Variants in SOX5 observed in about 807,000 individuals in gnomAD.
The protein encoded by SOX5 is transcription factor SOX-5.
A neutral mutation model predicts 92.0 loss-of-function variants in SOX5; 9 were observed. That is an observed-to-expected ratio of 0.10 (90% CI 0.06 to 0.17). The LOEUF (loss-of-function observed/expected upper bound fraction) is 0.17, where lower values mean the gene tolerates loss of function less well. SOX5 is among the 10% of genes least tolerant of loss of function. The pLI, the probability that SOX5 is intolerant of heterozygous loss-of-function variation, is 1.00. For synonymous variants in SOX5, 344 were observed against 336.3 expected (o/e 1.02, Z -0.25); for missense variants, 642 against 944.5 (o/e 0.68, Z 4.20).
chr12:24,174,452 A>C (rs1954573814), intron 4 of SOX5, among the ~76,000 whole-genome samples: 1 of 152,220 alleles, frequency 6.6e-6, no homozygotes, highest in South Asian at 2.1e-4. Context: ...GGAGTCTGGG[A>C]GAACTCAGTG....
intron 4 of SOX5, among the ~76,000 whole-genome samples, chr12:24,007,005 T>C (rs917770736): frequency 6.6e-6 from 1 of 150,826 alleles, no homozygotes; most frequent in Non-Finnish European, 1.5e-5. Context: ...TGATGACGCA[T>C]GTCTGTAATC....
chr12:24,216,688 C>G (rs1959184609), intron 3 of SOX5, among the ~76,000 whole-genome samples: 1 of 152,008 alleles, frequency 6.6e-6, no homozygotes, highest in Admixed American at 6.6e-5. Flanking sequence ...TTTGGGAGAC[C>G]AAGAAGGAGG....
intron 4 of SOX5, among the ~76,000 whole-genome samples, chr12:23,994,480 T>C (rs1250732778): frequency 6.6e-6 from 1 of 152,218 alleles, no homozygotes; most frequent in Admixed American, 6.5e-5. Context: ...CATCAATATA[T>C]GTGCCTGTTA....
At chr12:24,274,727 C>G (rs754505582) in intron 3 of SOX5, among the ~76,000 whole-genome samples, 18 of 151,328 alleles carry the variant, frequency 1.2e-4, no homozygotes, top group Non-Finnish European at 1.6e-4. Flanking sequence ...ACATTGCTAT[C>G]AAATTGTGAT....
intron 2 of SOX5, among the ~76,000 whole-genome samples, chr12:24,284,006 A>G (rs1945528378): frequency 6.6e-6 from 1 of 152,176 alleles, no homozygotes. Flanking sequence ...AGTATGTAAA[A>G]AGTGTGGTTG....
At chr12:24,013,131 G>C (rs1016062859) in intron 4 of SOX5, among the ~76,000 whole-genome samples, 3 of 152,066 alleles carry the variant, frequency 2.0e-5, no homozygotes, top group Non-Finnish European at 2.9e-5. Flanking sequence ...AAAGAGATGA[G>C]TTTCTGTATG....
rs183848118 is a variant in SOX5, at chr12:23,927,898, C to A, written c.38+21666G>T. The stretch of plus-strand genomic sequence containing the variant: ...CTCACAAAGTCACAAATAAGCTCAC[C>A]TTGAAATTTATCTGTCTCCAGAAAA... On this transcript the variant is annotated intron_variant, in intron 1 of 14. Transcript: ENST00000451604. 2.6e-3 allele frequency among the ~76,000 whole-genome samples: 400 copies of A among 152,080 alleles called. 2 individuals carry two copies. In the Middle Eastern group the frequency reaches 0.048, roughly 18 times the overall value.
At chr12:24,400,316 C>T (rs1961216129) in intron 1 of SOX5, among the ~76,000 whole-genome samples, 1 of 152,138 alleles carries the variant, frequency 6.6e-6, no homozygotes, top group Admixed American at 6.5e-5. Context: ...TCCTTCTTTT[C>T]ATTCTTGACA....
intron 2 of SOX5, among the ~76,000 whole-genome samples, chr12:24,354,780 A>T (rs1269567052): frequency 6.6e-6 from 1 of 152,234 alleles, no homozygotes; most frequent in Non-Finnish European, 1.5e-5. Context: ...TGGGTAGAGA[A>T]GAGTTCAGTT....
rs370915111 is a variant in SOX5 at position 24,358,907 on chromosome 12, T to C, written c.-174+9656A>G. On this transcript the variant is annotated intron_variant, in intron 2 of 4. Transcript: ENST00000446891. ...TATAGACACTCTGGATAGTATTACA[T>C]ACATGCTTCTTCACTAAAGTCTCAC... 4.9e-4 allele frequency among the ~76,000 whole-genome samples: 74 copies of C among 152,362 alleles called. 1 individual carries two copies. In the South Asian group the frequency reaches 0.015, roughly 31 times the overall value.
intron 4 of SOX5, among the ~76,000 whole-genome samples, chr12:24,011,824 A>C (rs899732411): frequency 6.6e-6 from 1 of 152,176 alleles, no homozygotes; most frequent in Non-Finnish European, 1.5e-5. Flanking sequence ...TTATACTAGG[A>C]GTCTTCCTAA....
At chr12:24,511,603 T>A (rs1161844754) in intron 1 of SOX5, among the ~76,000 whole-genome samples, 1 of 152,202 alleles carries the variant, frequency 6.6e-6, no homozygotes, top group Non-Finnish European at 1.5e-5. Context: ...GTGAATCAGA[T>A]ATATATTTAG....
At chr12:23,785,477 T>C (rs572270255) in intron 3 of SOX5, among the ~76,000 whole-genome samples, 10 of 152,326 alleles carry the variant, frequency 6.6e-5, no homozygotes, top group Admixed American at 1.3e-4. Context: ...ATGAAAAGCC[T>C]AAATCATTTC....
chr12:24,395,750 T>G (rs1048757934), intron 1 of SOX5, among the ~76,000 whole-genome samples: 1 of 152,252 alleles, frequency 6.6e-6, no homozygotes, highest in Non-Finnish European at 1.5e-5. Context: ...TCATGGACCC[T>G]GACAGGCTGG....
At chr12:23,552,330 T>G (rs1442119306) in intron 11 of SOX5, among the ~76,000 whole-genome samples, 3 of 151,882 alleles carry the variant, frequency 2.0e-5, no homozygotes, top group Non-Finnish European at 2.9e-5. Flanking sequence ...AATGTTATAA[T>G]GGCCTCATTT....
chr12:23,628,223 C>T (rs2078082620), intron 8 of SOX5, among the ~76,000 whole-genome samples: 1 of 151,706 alleles, frequency 6.6e-6, no homozygotes, highest in Non-Finnish European at 1.5e-5. Flanking sequence ...TTCTTTTAAA[C>T]CAAAGAATGA....
Position 23,600,558 on chromosome 12 carries a change from T to C in SOX5, c.1164+3829A>G, listed in dbSNP as rs1160368510. The stretch of plus-strand genomic sequence containing the variant: ...ATATATATATATATATATATACACA[T>C]ACTTGGCTTGGGACTAAAAAAACCA... On this transcript the variant is annotated intron_variant, in intron 9 of 14. Transcript: ENST00000451604. 2.7e-4 allele frequency among the ~76,000 whole-genome samples: 35 copies of C among 130,378 alleles called. 1 individual carries two copies. In the South Asian group the frequency reaches 6.2e-3, roughly 23 times the overall value. The allele number at this position is 130,378 out of a possible 152,430, so 85.5% of individuals were successfully genotyped here. A position where few individuals can be genotyped will look rare whatever the true frequency, so the allele number is the denominator to read the frequency against.
chr12:24,320,871 A>AAT lies in SOX5; in HGVS notation c.-173-43560_-173-43559insAT, dbSNP rs1565899408. On this transcript the variant is annotated intron_variant, in intron 2 of 4. Coordinates refer to the SOX5 transcript ENST00000446891. Reference sequence around the variant, plus strand: ...CAGAGCAAGACTCTGTCTCAAAAAAAAATAATAATAATAATAATAATAATA... The same window carrying AAT: ...CAGAGCAAGACTCTGTCTCAAAAAAAATAATAATAATAATAATAATAATAATA... 5.4e-3 allele frequency among the ~76,000 whole-genome samples: 798 copies of AAT among 148,300 alleles called. 5 individuals are homozygous for AAT. The highest frequency in any genetic ancestry group is 0.019 in the African/African-American group (760 of 40,238).
Position 23,580,252 on chromosome 12 carries a change from T to G in SOX5, c.1165-4414A>C, listed in dbSNP as rs113886971. Among the ~76,000 whole-genome samples the G allele has an allele frequency of 4.9e-3, 740 of 152,146 alleles. 10 individuals are homozygous for G. Among genetic ancestry groups the G allele is most frequent in the African/African-American group, 0.017 (711 of 41,552 alleles). On this transcript the variant is annotated intron_variant, in intron 9 of 14. Transcript: ENST00000451604. ...TTTTGGACTCAACATACAATACTCT[T>G]TTAATTTCTGTGACAAATTTAATCT...
Sources: allele counts gnomAD v4.1 joint callset (sites outside exome capture counted in the v4.1 genomes callset), GRCh38; gene constraint gnomAD v4.1.1; transcripts MANE v1.5; gene names NCBI Gene and HGNC (gene_info 2026-07-23, HGNC 2026-07-21).